Variants in AKR1C8 observed in about 807,000 individuals in gnomAD.
AKR1C8 encodes aldo-keto reductase family 1 member C-like protein 1.
chr10:5,144,619 T>C, the AKR1C8 span, among the ~76,000 whole-genome samples: 1 of 152,062 alleles, frequency 6.6e-6, no homozygotes, highest in South Asian at 2.1e-4. Context: ...CCTAGGTATT[T>C]TATTCTCTTT....
the AKR1C8 span, among the ~76,000 whole-genome samples, chr10:5,127,300 A>G: frequency 2.2e-4 from 33 of 152,316 alleles, 1 homozygote; most frequent in South Asian, 6.6e-3. Flanking sequence ...ACTTCTGGAA[A>G]TGAAAGGCAC....
chr10:5,165,591 G>T, the AKR1C8 span, among the ~76,000 whole-genome samples: 1 of 152,162 alleles, frequency 6.6e-6, no homozygotes, highest in Admixed American at 6.6e-5. Flanking sequence ...GTCCCCATCA[G>T]CGGGAGGACA....
At chr10:5,165,468 C>G in the AKR1C8 span, among the ~76,000 whole-genome samples, 1 of 152,082 alleles carries the variant, frequency 6.6e-6, no homozygotes, top group Non-Finnish European at 1.5e-5. Flanking sequence ...CCTCTCCCTT[C>G]TATATCCCTC....
the AKR1C8 span, chr10:5,161,878 A>C: frequency 3.7e-6 from 2 of 534,132 alleles, no homozygotes; most frequent in Non-Finnish European, 7.7e-6. Flanking sequence ...TGGTACATGA[A>C]TAATGAAGAG....
the AKR1C8 span, among the ~76,000 whole-genome samples, chr10:5,117,014 T>G: frequency 6.6e-6 from 1 of 152,160 alleles, no homozygotes; most frequent in African/African-American, 2.4e-5. Flanking sequence ...TGATGTTAGT[T>G]CTCTTTAGAA....
At chr10:5,123,584 C>T in the AKR1C8 span, 40 of 864,676 alleles carry the variant, frequency 4.6e-5, no homozygotes, top group African/African-American at 4.1e-4. Context: ...CCTGGGATCT[C>T]GTCAGAAATG....
chr10:5,140,613 C>G, the AKR1C8 span, among the ~76,000 whole-genome samples: 1 of 150,194 alleles, frequency 6.7e-6, no homozygotes, highest in Non-Finnish European at 1.5e-5. Flanking sequence ...CGCTTGGACA[C>G]AGGGCGGGAA....
chr10:5,163,622 T>TA, the AKR1C8 span, among the ~76,000 whole-genome samples: 20 of 152,110 alleles, frequency 1.3e-4, no homozygotes, highest in Non-Finnish European at 2.9e-4. Context: ...AGAATTAAGA[T>TA]AAAAAAGTTA....
At chr10:5,119,892 A>G in the AKR1C8 span, among the ~76,000 whole-genome samples, 3 of 152,198 alleles carry the variant, frequency 2.0e-5, no homozygotes, top group South Asian at 4.1e-4. Context: ...AGGGTTTGCT[A>G]GCATCCCATA....
chr10:5,140,378 C>G, the AKR1C8 span, among the ~76,000 whole-genome samples: 4 of 152,084 alleles, frequency 2.6e-5, no homozygotes, highest in Admixed American at 6.6e-5. Context: ...TTCACAATAG[C>G]AAAGACTTGG....
At chr10:5,149,827 T>G in the AKR1C8 span, among the ~76,000 whole-genome samples, 2 of 151,732 alleles carry the variant, frequency 1.3e-5, no homozygotes, top group African/African-American at 4.9e-5. Flanking sequence ...TTAAGAATAC[T>G]CACAAATACG....
At chr10:5,165,707 C>T in the AKR1C8 span, among the ~76,000 whole-genome samples, 13 of 152,256 alleles carry the variant, frequency 8.5e-5, no homozygotes, top group Admixed American at 7.2e-4. Context: ...CAGTCTCATT[C>T]TCTAGAAATT....
the AKR1C8 span, among the ~76,000 whole-genome samples, chr10:5,139,731 A>G: frequency 6.6e-6 from 1 of 152,212 alleles, no homozygotes; most frequent in African/African-American, 2.4e-5. Flanking sequence ...CATTCAGGAC[A>G]TAGGCATGGG....
At chr10:5,136,373 C>T in the AKR1C8 span, among the ~76,000 whole-genome samples, 8 of 152,216 alleles carry the variant, frequency 5.3e-5, no homozygotes, top group South Asian at 4.1e-4. Flanking sequence ...TATGACGAAA[C>T]CTCGTCTCTA....
the AKR1C8 span, among the ~76,000 whole-genome samples, chr10:5,116,118 G>T: frequency 2.0e-5 from 3 of 152,060 alleles, no homozygotes; most frequent in Non-Finnish European, 1.5e-5. Context: ...ACACAGCATG[G>T]TAATACTAAG....
the AKR1C8 span, among the ~76,000 whole-genome samples, chr10:5,158,037 C>T: frequency 6.6e-6 from 1 of 152,148 alleles, no homozygotes; most frequent in African/African-American, 2.4e-5. Context: ...CCTGGAATAA[C>T]ACCCAGAAAT....
At chr10:5,130,578 T>C in the AKR1C8 span, among the ~76,000 whole-genome samples, 72 of 152,062 alleles carry the variant, frequency 4.7e-4, no homozygotes, top group African/African-American at 1.6e-3. Flanking sequence ...TTCAGTAAAG[T>C]ATCAGGTTAC....
the AKR1C8 span, among the ~76,000 whole-genome samples, chr10:5,140,453 A>G: frequency 6.6e-6 from 1 of 152,168 alleles, no homozygotes; most frequent in African/African-American, 2.4e-5. Flanking sequence ...TACACCATGG[A>G]ATACTATGCA....
chr10:5,160,941 T>G, the AKR1C8 span: 1 of 468,680 alleles, frequency 2.1e-6, no homozygotes, highest in Non-Finnish European at 4.4e-6. Context: ...GAATTCTCCT[T>G]TCTGGTGCCT....
Sources: gnomAD v4.1 joint callset for allele counts (sites outside exome capture counted in the v4.1 genomes callset) on GRCh38, gnomAD v4.1.1 for gene constraint, MANE v1.5 for transcripts, NCBI Gene and HGNC (gene_info 2026-07-23, HGNC 2026-07-21) for gene names.